The following LCMT1 variants were observed in gnomAD, a reference collection of about 807,000 sequenced individuals.
LCMT1 encodes [Phosphatase 2A protein]-leucine-carboxy methyltransferase 1.
A neutral mutation model predicts 47.7 loss-of-function variants in LCMT1; 32 were observed. The ratio of observed to expected loss-of-function variants is 0.67; its 90% CI spans 0.51 to 0.90. The LOEUF is 0.90. Among genes scored for constraint, LCMT1 ranks in the 40% least tolerant of loss-of-function variants. The probability of loss-of-function intolerance (pLI) is 0.00; values close to 1 mark genes in which losing one functional copy is unlikely to be tolerated. For synonymous variants in LCMT1, 152 were observed against 149.7 expected (o/e 1.02, Z -0.11); for missense variants, 375 against 415.2 (o/e 0.90, Z 0.84).
At chr16:25,135,297 A>C (rs917607182) in intron 3 of LCMT1, among the ~76,000 whole-genome samples, 11 of 149,938 alleles carry the variant, frequency 7.3e-5, no homozygotes, top group Non-Finnish European at 1.6e-4. Flanking sequence ...ATATATCTAT[A>C]TATATATATA....
rs138465139 is a variant in LCMT1 at position 25,175,880 on chromosome 16, G to A, written c.982+846G>A. Among the ~76,000 whole-genome samples, 758 of 152,286 alleles carry A rather than the reference G, an allele frequency of 5.0e-3. 8 individuals are homozygous for A. Among genetic ancestry groups the A allele is most frequent in the Non-Finnish European group, 5.9e-3 (399 of 68,028 alleles). On this transcript the variant is annotated intron_variant, in intron 10 of 10. Coordinates refer to ENST00000399069, the MANE Select transcript of LCMT1 (RefSeq NM_016309.3). ...TTATAGCACAAAAACCAAGAGAACT[G>A]TTTAAGCCTTGTAGCCCAAAACAAC...
intron 7 of LCMT1, among the ~76,000 whole-genome samples, chr16:25,166,282 A>G (rs1055642161): frequency 7.2e-5 from 11 of 151,962 alleles, no homozygotes; most frequent in South Asian, 2.1e-4. Flanking sequence ...AAAAAAAAAA[A>G]AAAGAAAGAA....
chr16:25,161,505 CG>C (rs1248002122), intron 6 of LCMT1, among the ~76,000 whole-genome samples: 1 of 151,966 alleles, frequency 6.6e-6, no homozygotes, highest in Non-Finnish European at 1.5e-5. Flanking sequence ...TACAGGCATG[CG>C]CCACCATGCC....
intron 7 of LCMT1, among the ~76,000 whole-genome samples, chr16:25,166,351 T>G (rs1227007238): frequency 1.3e-5 from 2 of 152,112 alleles, no homozygotes; most frequent in Non-Finnish European, 2.9e-5. Context: ...CAGTGGCTTA[T>G]CACATCATAA....
At chr16:25,114,142 C>G (rs1047167309) in intron 1 of LCMT1, among the ~76,000 whole-genome samples, 9 of 152,030 alleles carry the variant, frequency 5.9e-5, no homozygotes, top group Non-Finnish European at 1.2e-4. Context: ...TTCCTGCTGC[C>G]CTGAGTGAGT....
intron 1 of LCMT1, among the ~76,000 whole-genome samples, chr16:25,116,915 C>T (rs1959807112): frequency 6.6e-6 from 1 of 151,506 alleles, no homozygotes; most frequent in Admixed American, 6.6e-5. Context: ...AGAGATAAAC[C>T]AGAAACTGGG....
At chr16:25,149,996 A>C (rs892432797) in intron 4 of LCMT1, among the ~76,000 whole-genome samples, 2 of 152,034 alleles carry the variant, frequency 1.3e-5, no homozygotes, top group African/African-American at 4.8e-5. Flanking sequence ...GAATGAATGA[A>C]TGGAAGACTG....
At chr16:25,150,028 A>G (rs1183708249) in intron 4 of LCMT1, among the ~76,000 whole-genome samples, 1 of 152,078 alleles carries the variant, frequency 6.6e-6, no homozygotes, top group African/African-American at 2.4e-5. Flanking sequence ...TATAGATGAC[A>G]TATTATGGGG....
intron 1 of LCMT1, among the ~76,000 whole-genome samples, chr16:25,117,799 CTG>C (rs1959844557): frequency 6.6e-6 from 1 of 151,204 alleles, no homozygotes; most frequent in South Asian, 2.1e-4. Flanking sequence ...TTGCAGAGTA[CTG>C]GGATCGTGCT....
intron 1 of LCMT1, among the ~76,000 whole-genome samples, 163 bp from the exon 2 acceptor site, chr16:25,128,312 G>A (rs1004821506): frequency 6.6e-6 from 1 of 152,214 alleles, no homozygotes; most frequent in East Asian, 1.9e-4. Context: ...GGATGGCTGC[G>A]TCTTCGCTTG....
intron 5 of LCMT1, among the ~76,000 whole-genome samples, chr16:25,156,314 G>C (rs984576373): frequency 3.3e-5 from 5 of 152,180 alleles, no homozygotes; most frequent in Admixed American, 6.5e-5. Context: ...CCTGAGAACA[G>C]GGACTGCTTC....
At chr16:25,170,305 A>G (rs536135985) in intron 8 of LCMT1, among the ~76,000 whole-genome samples, 1 of 152,202 alleles carries the variant, frequency 6.6e-6, no homozygotes, top group Non-Finnish European at 1.5e-5. Context: ...ACTGTCACTC[A>G]TAGAAAAGTT....
intron 5 of LCMT1, chr16:25,159,014 C>A (rs570654279): frequency 6.6e-6 from 1 of 152,232 alleles, no homozygotes; most frequent in African/African-American, 2.4e-5. Context: ...GTACAACTTA[C>A]AAGAATAATC....
intron 4 of LCMT1, among the ~76,000 whole-genome samples, chr16:25,151,272 C>G (rs189730427): frequency 3.9e-5 from 6 of 152,156 alleles, no homozygotes; most frequent in African/African-American, 1.4e-4. Flanking sequence ...ATTTCTAAGT[C>G]TAAATACTTC....
In LCMT1 at chr16:25,113,010, G is replaced by A. The variant is rs370644500; in HGVS notation, c.113+1014G>A. ...ACAAATATTAGCTGGGTGTGGTGGC[G>A]GGCGCCTGTAATCCCAGCTACTCGG... is the stretch of plus-strand genomic sequence containing the variant. On this transcript the variant is annotated intron_variant, in intron 1 of 10. Transcript: ENST00000399069. 1.7e-4 allele frequency among the ~76,000 whole-genome samples: 26 copies of A among 151,950 alleles called. No individual in the cohort carries two copies. In the South Asian group the frequency reaches 4.2e-3, roughly 24 times the overall value.
rs1303814911 is a variant in LCMT1 at position 25,120,731 on chromosome 16, GTTTTTTTGTTTTT to G, written c.114-7723_114-7711del. 6.5e-4 allele frequency among the ~76,000 whole-genome samples: 86 copies of G among 132,466 alleles called. No individual in the cohort carries two copies. The South Asian group carries it at 9.2e-3, about 14-fold the overall frequency. The allele number at this position is 132,466 out of a possible 152,430, so 86.9% of individuals were successfully genotyped here. On this transcript the variant is annotated intron_variant, in intron 1 of 10. Coordinates refer to ENST00000399069, the MANE Select transcript of LCMT1 (RefSeq NM_016309.3). ...GGCGTGAGACACCGCACCTGGCCTTGTTTTTTTGTTTTTTTTTTTTGTTTTTTTTTTTTTGAGA... is the reference window on the plus strand; with the variant it reads ...GGCGTGAGACACCGCACCTGGCCTTGTTTTTTTGTTTTTTTTTTTTTGAGA...
intron 5 of LCMT1, among the ~76,000 whole-genome samples, chr16:25,155,677 T>TA (rs570852371): frequency 1.4e-5 from 1 of 72,212 alleles, no homozygotes; most frequent in African/African-American, 5.1e-5. Flanking sequence ...TCTTTCTTTC[T>TA]TTTTTTTTTT....
intron 2 of LCMT1, 82 bp downstream of exon 2, chr16:25,128,648 G>T (rs191563661): frequency 1.9e-6 from 2 of 1,044,506 alleles, no homozygotes; most frequent in Admixed American, 2.0e-5. Context: ...AAGTCGTGGT[G>T]TGCTCCCTTT....
At chr16:25,125,766 G>A (rs11074677) in intron 1 of LCMT1, among the ~76,000 whole-genome samples, 114,750 of 151,086 alleles carry the variant, frequency 0.76, 43,673 homozygotes, top group African/African-American at 0.78. Flanking sequence ...TGGAAGGCGG[G>A]GGTTGCAGTG....
Sources: gnomAD v4.1 joint callset for allele counts (sites outside exome capture counted in the v4.1 genomes callset) on GRCh38, gnomAD v4.1.1 for gene constraint, MANE v1.5 for transcripts, NCBI Gene and HGNC (gene_info 2026-07-23, HGNC 2026-07-21) for gene names.